The following ADAM19 variants were observed in gnomAD, a reference collection of about 807,000 sequenced individuals.
ADAM19 encodes disintegrin and metalloproteinase domain-containing protein 19.
In ADAM19, 65 loss-of-function variants were observed where a neutral mutation model predicts 114.7. That is an observed-to-expected ratio of 0.57 (90% confidence interval 0.46 to 0.70). ADAM19 has a LOEUF of 0.70. Ranked by LOEUF, ADAM19 falls within the 30% of genes least tolerant of loss-of-function variation. The pLI is 0.00. For synonymous variants in ADAM19, 466 were observed against 460.5 expected, an observed-to-expected ratio of 1.01 and a Z score of -0.15; for missense variants, 1,063 against 1,204.7, an observed-to-expected ratio of 0.88 and a Z score of 1.74.
chr5:157,567,492 T>A (rs1198777532), intron 2 of ADAM19, among the ~76,000 whole-genome samples: 1 of 152,128 alleles, frequency 6.6e-6, no homozygotes, highest in Non-Finnish European at 1.5e-5. Flanking sequence ...CAGCTCCAAG[T>A]GGGCATTTAA....
At chr5:157,519,197 C>T (rs952551984) in intron 6 of ADAM19, among the ~76,000 whole-genome samples, 3 of 152,198 alleles carry the variant, frequency 2.0e-5, no homozygotes, top group East Asian at 1.9e-4. Context: ...CTAACCACCA[C>T]GTTCCCACAG....
intron 3 of ADAM19, among the ~76,000 whole-genome samples, chr5:157,551,183 T>A (rs1007567530): frequency 3.3e-5 from 5 of 151,856 alleles, no homozygotes; most frequent in Non-Finnish European, 7.4e-5. Context: ...GGCAGGCGAA[T>A]CACCTGAGGT....
chr5:157,563,472 C>T (rs535163826), intron 3 of ADAM19, among the ~76,000 whole-genome samples: 548 of 152,318 alleles, frequency 3.6e-3, no homozygotes, highest in Non-Finnish European at 5.7e-3. Flanking sequence ...ACAGGAAGGT[C>T]CTTCTTCATC....
At chr5:157,514,360 G>A (rs1581318078) in intron 7 of ADAM19, among the ~76,000 whole-genome samples, 1 of 143,924 alleles carries the variant, frequency 6.9e-6, no homozygotes, top group African/African-American at 2.7e-5. Context: ...ACAGAGTCTC[G>A]CTCTTGTTGC....
rs1327785617 is a variant in ADAM19, at chr5:157,478,769, AAAC to A, written c.*2177_*2179del. ...GAGGTGATATGAAAATAATAAAACA[AAAC>A]AAAACAAAAAGCAAGAAAACGACAA... On this transcript the variant is annotated 3_prime_UTR_variant, in exon 23 of 23. Transcript: ENST00000257527. The A allele has an allele frequency of 1.0e-6, 1 of 985,782 alleles. No homozygotes were observed. The highest frequency in any genetic ancestry group is 1.7e-5 in the African/African-American group (1 of 57,240). 61.1% of individuals were successfully genotyped at this position (985,782 alleles called of 1,614,324 possible). A position where few individuals can be genotyped will look rare whatever the true frequency, so the allele number is the denominator to read the frequency against.
chr5:157,479,693 G>T lies in ADAM19; in HGVS notation c.*1256C>A, dbSNP rs934407492. On this transcript the variant is annotated 3_prime_UTR_variant, in exon 23 of 23. Transcript: ENST00000257527. ...AGTGAATGACAAAAAGCTGGGTTGA[G>T]GAAGAGGCTCCCTGCTCTGACTGTT... 6.4e-5 allele frequency: 63 copies of T among 985,996 alleles called. No individual in the cohort carries two copies. The highest frequency in any genetic ancestry group is 6.9e-5 in the Non-Finnish European group (57 of 830,240). 61.1% of individuals were successfully genotyped at this position (985,996 alleles called of 1,614,324 possible).
At chr5:157,572,912 T>C (rs1174118095) in intron 1 of ADAM19, among the ~76,000 whole-genome samples, 1 of 152,060 alleles carries the variant, frequency 6.6e-6, no homozygotes, top group Non-Finnish European at 1.5e-5. Flanking sequence ...TAGCTGGGTG[T>C]GGTGGCGCAT....
At chr5:157,559,585 C>T (rs1443911571) in intron 3 of ADAM19, among the ~76,000 whole-genome samples, 3 of 152,184 alleles carry the variant, frequency 2.0e-5, no homozygotes, top group Non-Finnish European at 4.4e-5. Context: ...GTTCATCTCC[C>T]TGGATGCCTG....
intron 3 of ADAM19, among the ~76,000 whole-genome samples, chr5:157,555,808 G>A (rs997381723): frequency 6.6e-6 from 1 of 152,216 alleles, no homozygotes; most frequent in Non-Finnish European, 1.5e-5. Context: ...CAAGGGGTCA[G>A]CAGGGCTGCG....
rs1353511632 is a variant in ADAM19, at chr5:157,493,097, G to A, written c.1784C>T (p.Thr595Ile). The A allele has an allele frequency of 6.2e-6, 10 of 1,614,108 alleles. No homozygotes were observed. The highest frequency in any genetic ancestry group is 8.5e-6 in the Non-Finnish European group (10 of 1,180,056). ...LESNAVPIDT[T>I]IIMNGRQIQC... Reference sequence around the variant, plus strand: ...GATCTGCCTCCCATTCATGATGATAGTGGTGTCAATGGGCACCGCGTTGGA... The same window carrying A: ...GATCTGCCTCCCATTCATGATGATAATGGTGTCAATGGGCACCGCGTTGGA... The change falls in exon 16 of 23, where the codon ACT becomes ATT. Residue 595 changes from threonine to isoleucine, a missense_variant. Around this residue, in one of 3 missense-constraint regions of ADAM19, gnomAD observed 424 missense variants for 445.5 expected, o/e 0.95. Transcript: ENST00000257527.
intron 2 of ADAM19, chr5:157,570,631 G>A: frequency 8.3e-6 from 3 of 359,350 alleles, no homozygotes; most frequent in Non-Finnish European, 1.5e-5. Context: ...TGATTTCTGT[G>A]ACACCAACAC....
At position 157,494,775 on chromosome 5, in the gene ADAM19, G is replaced by C; in HGVS notation, c.1615C>G (p.Leu539Val). Residue 539 changes from leucine (L) to valine (V), a missense_variant, in exon 15 of 23, where the codon CTC (leucine) becomes GTC (valine). Physicochemically the swap from Leu to Val is conservative, Grantham distance 32. Coordinates refer to ENST00000257527, the MANE Select transcript of ADAM19 (RefSeq NM_033274.5). The part of the protein sequence containing the change: ...WGPGARPAPD[L>V]CFEKVNVAGD... ...GCCACATTCACCTTCTCGAAGCAGA[G>C]GTCAGGGGCAGGTCGGGCTCCTGGG... 1.2e-6 allele frequency: 2 copies of C among 1,613,792 alleles called. No individual in the cohort carries two copies. Among genetic ancestry groups the C allele is most frequent in the East Asian group, 4.5e-5 (2 of 44,862 alleles).
intron 9 of ADAM19, among the ~76,000 whole-genome samples, chr5:157,508,943 A>G (rs1032446031): frequency 2.0e-5 from 3 of 152,248 alleles, no homozygotes; most frequent in African/African-American, 7.2e-5. Context: ...ATGTATTAGA[A>G]CAAAGCGCCA....
rs527967637 is a variant in ADAM19, at chr5:157,550,368, G to C, written c.252-12377C>G. 3.3e-5 allele frequency among the ~76,000 whole-genome samples: 5 copies of C among 152,128 alleles called. No individual in the cohort carries two copies. The East Asian group carries it at 9.7e-4, about 29-fold the overall frequency. On this transcript the variant is annotated intron_variant, in intron 3 of 22. Coordinates refer to ENST00000257527, the MANE Select transcript of ADAM19 (RefSeq NM_033274.5). ...GTTTCCAAACCTCCCCCTTCTAAAA[G>C]GACACCACTCATGCTGGATTAGAGA...
At chr5:157,514,173 G>A (rs1282207052) in intron 7 of ADAM19, among the ~76,000 whole-genome samples, 1 of 152,142 alleles carries the variant, frequency 6.6e-6, no homozygotes, top group East Asian at 1.9e-4. Flanking sequence ...ACCACAGTGG[G>A]AGGTCATGTG....
intron 3 of ADAM19, among the ~76,000 whole-genome samples, chr5:157,560,871 A>T (rs1425535291): frequency 6.6e-6 from 1 of 152,266 alleles, no homozygotes; most frequent in African/African-American, 2.4e-5. Context: ...ATGAGCAAGA[A>T]ATAATCATAG....
intron 8 of ADAM19, 29 bp downstream of exon 8, chr5:157,513,405 T>C (rs1755984196): frequency 3.1e-6 from 5 of 1,611,138 alleles, no homozygotes; most frequent in Middle Eastern, 1.7e-4. Context: ...ACCTGGCACC[T>C]TTCCCACAAA....
Position 157,550,859 on chromosome 5 carries a change from C to T in ADAM19, c.252-12868G>A, listed in dbSNP as rs910344047. ...TATATATCCACGTTACATGTAAATT[C>T]GCTTTGACTCAGTTGGGTATACAGT... is the stretch of plus-strand genomic sequence containing the variant. On this transcript the variant is annotated intron_variant, in intron 3 of 22. Coordinates refer to ENST00000257527, the MANE Select transcript of ADAM19 (RefSeq NM_033274.5). 2.6e-4 allele frequency among the ~76,000 whole-genome samples: 40 copies of T among 152,136 alleles called. 1 individual carries two copies. Among genetic ancestry groups the T allele is most frequent in the Admixed American group, 2.6e-3 (40 of 15,272 alleles).
chr5:157,516,712 T>A (rs1756100151), intron 7 of ADAM19, among the ~76,000 whole-genome samples: 1 of 152,178 alleles, frequency 6.6e-6, no homozygotes, highest in African/African-American at 2.4e-5. Context: ...TGATCACAGA[T>A]GCAGAACTTA....
Sources: gnomAD v4.1 joint callset for allele counts (sites outside exome capture counted in the v4.1 genomes callset) on GRCh38, gnomAD v4.1.1 for gene constraint, gnomAD v4.1.1 regional missense constraint, MANE v1.5 for transcripts, NCBI Gene and HGNC (gene_info 2026-07-23, HGNC 2026-07-21) for gene names.